The following NOL4 variants were observed in gnomAD, a reference collection of about 807,000 sequenced individuals.
NOL4 encodes nucleolar protein 4, also known as cancer/testis antigen 125.
Under a neutral mutation model 75.9 loss-of-function variants are expected in NOL4, and 17 were observed. The ratio of observed to expected loss-of-function variants is 0.22; its 90% CI spans 0.15 to 0.34. The LOEUF (loss-of-function observed/expected upper bound fraction) is 0.34, where lower values mean the gene tolerates loss of function less well. Ranked by LOEUF, NOL4 falls within the 10% of genes least tolerant of loss-of-function variation. The probability of loss-of-function intolerance (pLI) is 1.00; values close to 1 mark genes in which losing one functional copy is unlikely to be tolerated. For synonymous variants in NOL4, 292 were observed against 289.9 expected (o/e 1.01, Z -0.07); for missense variants, 614 against 793.5 (o/e 0.77, Z 2.72).
intron 5 of NOL4, among the ~76,000 whole-genome samples, chr18:34,022,591 A>G (rs1363421402): frequency 6.6e-6 from 1 of 152,074 alleles, no homozygotes; most frequent in Admixed American, 6.6e-5. Context: ...ATTTCCCACA[A>G]AAGTCCAAAG....
rs140091305 is a variant in NOL4, at chr18:33,853,002, G to A, written c.1757C>T (p.Ala586Val). Reference sequence around the variant, plus strand: ...GCTGCTGGAGGATCCTGAGCTAGTCGCCAATTGTCTCTTCATGCTGAGATC... The same window carrying A: ...GCTGCTGGAGGATCCTGAGCTAGTCACCAATTGTCTCTTCATGCTGAGATC... ...PTDLSMKRQL[A>V]TSSGSSSSSN... is the part of the protein sequence containing the mutation. The change falls in exon 11 of 11, where the codon GCG becomes GTG. Residue 586 changes from alanine (A) to valine (V), a missense_variant. Transcript: ENST00000261592. The A allele has an allele frequency of 9.3e-6, 15 of 1,612,208 alleles. No homozygotes were observed. The Admixed American group carries it at 1.3e-4, about 14-fold the overall frequency.
chr18:33,858,997 T>C (rs2062967140), intron 10 of NOL4, among the ~76,000 whole-genome samples: 1 of 152,152 alleles, frequency 6.6e-6, no homozygotes, highest in African/African-American at 2.4e-5. Context: ...TTTTTTAAAA[T>C]TTCTATTATG....
chr18:34,220,219 A>T (rs1220107223), intron 1 of NOL4, among the ~76,000 whole-genome samples: 1 of 152,158 alleles, frequency 6.6e-6, no homozygotes, highest in African/African-American at 2.4e-5. Flanking sequence ...CCCAGGTGCC[A>T]TCAGTCTCTC....
intron 1 of NOL4, among the ~76,000 whole-genome samples, chr18:34,170,456 T>G (rs950687940): frequency 1.3e-5 from 2 of 152,114 alleles, no homozygotes; most frequent in Non-Finnish European, 2.9e-5. Flanking sequence ...CCTCCCAAAG[T>G]GCTGGGATTG....
At chr18:33,877,391 C>T (rs924794021) in intron 10 of NOL4, among the ~76,000 whole-genome samples, 1 of 142,332 alleles carries the variant, frequency 7.0e-6, no homozygotes, top group Non-Finnish European at 1.5e-5. Context: ...GAGGTGGAAG[C>T]ATTGCAGTTG....
chr18:34,046,602 T>TTATATATA (rs2076375551), intron 5 of NOL4, among the ~76,000 whole-genome samples: 2 of 32,096 alleles, frequency 6.2e-5, no homozygotes, highest in Admixed American at 3.6e-4. Context: ...TACTATTTAC[T>TTATATATA]TATACATATA....
chr18:34,157,726 G>T (rs1334109889), intron 1 of NOL4, among the ~76,000 whole-genome samples: 2 of 152,098 alleles, frequency 1.3e-5, no homozygotes, highest in Non-Finnish European at 2.9e-5. Context: ...AAGATGGGAA[G>T]AGATTATCAA....
At chr18:34,112,347 T>C (rs2079631389) in intron 2 of NOL4, among the ~76,000 whole-genome samples, 3 of 151,600 alleles carry the variant, frequency 2.0e-5, no homozygotes, top group Middle Eastern at 3.4e-3. Flanking sequence ...CTAGCCTGGG[T>C]GACAGAGTGA....
chr18:34,199,145 G>GTTTTTTT (rs11323634), intron 1 of NOL4, among the ~76,000 whole-genome samples: 2 of 131,280 alleles, frequency 1.5e-5, no homozygotes, highest in Non-Finnish European at 1.6e-5. Flanking sequence ...GGACAGAGAA[G>GTTTTTTT]TTTTTTTTTT....
chr18:33,964,302 TA>T (rs2070392766), intron 6 of NOL4, among the ~76,000 whole-genome samples: 1 of 152,124 alleles, frequency 6.6e-6, no homozygotes, highest in African/African-American at 2.4e-5. Context: ...ATATTTCCTT[TA>T]AAAAATATCA....
At chr18:34,131,503 T>G (rs1055761321) in intron 1 of NOL4, among the ~76,000 whole-genome samples, 3 of 152,078 alleles carry the variant, frequency 2.0e-5, no homozygotes, top group African/African-American at 7.2e-5. Flanking sequence ...AAATTCTAAC[T>G]GTACCCACTA....
At chr18:34,139,159 C>G (rs930939247) in intron 1 of NOL4, among the ~76,000 whole-genome samples, 3 of 152,110 alleles carry the variant, frequency 2.0e-5, no homozygotes, top group African/African-American at 7.2e-5. Context: ...GTGTCTCTGC[C>G]AGGCTTTGGT....
At chr18:34,006,751 C>T (rs1302580171) in intron 6 of NOL4, among the ~76,000 whole-genome samples, 1 of 151,946 alleles carries the variant, frequency 6.6e-6, no homozygotes, top group East Asian at 1.9e-4. Context: ...TACTATGTTC[C>T]CTACCATCCT....
chr18:34,106,062 T>A (rs187676762), intron 2 of NOL4, among the ~76,000 whole-genome samples: 1 of 152,152 alleles, frequency 6.6e-6, no homozygotes, highest in African/African-American at 2.4e-5. Flanking sequence ...AGCACTAACA[T>A]TTTACATGAA....
intron 5 of NOL4, among the ~76,000 whole-genome samples, chr18:34,091,846 C>T (rs2078537182): frequency 6.6e-6 from 1 of 152,038 alleles, no homozygotes; most frequent in Non-Finnish European, 1.5e-5. Flanking sequence ...GTTAGAATAT[C>T]ATCAATATAT....
At chr18:34,209,528 C>A (rs900489773) in intron 1 of NOL4, among the ~76,000 whole-genome samples, 36 of 152,090 alleles carry the variant, frequency 2.4e-4, no homozygotes, top group Non-Finnish European at 5.0e-4. Flanking sequence ...CTAAGCGAGT[C>A]AGGTTATAGT....
chr18:34,105,254 A>C, intron 2 of NOL4, 94 bp from the exon 3 acceptor site: 1 of 804,958 alleles, frequency 1.2e-6, no homozygotes, highest in Admixed American at 2.0e-5. Flanking sequence ...AAGACACGTT[A>C]TTCCATAATG....
chr18:34,066,979 A>G (rs974737791), intron 5 of NOL4, among the ~76,000 whole-genome samples: 2 of 152,176 alleles, frequency 1.3e-5, no homozygotes, highest in African/African-American at 2.4e-5. Flanking sequence ...TACGTCAGGC[A>G]TTATTCTATG....
At chr18:34,091,001 T>C (rs1250962467) in intron 5 of NOL4, among the ~76,000 whole-genome samples, 1 of 151,992 alleles carries the variant, frequency 6.6e-6, no homozygotes, top group Admixed American at 6.6e-5. Context: ...TTAAGAGGTA[T>C]GGCCTTTAGG....
Sources: gnomAD v4.1 joint callset for allele counts (sites outside exome capture counted in the v4.1 genomes callset) on GRCh38, gnomAD v4.1.1 for gene constraint, MANE v1.5 for transcripts, NCBI Gene and HGNC (gene_info 2026-07-23, HGNC 2026-07-21) for gene names.